The following LGR4 variants were observed in gnomAD, a reference collection of about 807,000 sequenced individuals.
The protein encoded by LGR4 is leucine-rich repeat-containing G protein-coupled receptor 4.
In LGR4, 44 loss-of-function variants were observed where a neutral mutation model predicts 84.8. That is an observed-to-expected ratio of 0.52 (90% CI 0.41 to 0.67). The LOEUF is 0.67. Among genes scored for constraint, LGR4 ranks in the 30% least tolerant of loss-of-function variants. LGR4 has a pLI of 0.00. For synonymous variants in LGR4, 429 were observed against 434.3 expected (o/e 0.99, Z 0.15); for missense variants, 1,032 against 1,131.4 (o/e 0.91, Z 1.26).
chr11:27,371,046 C>T (rs1862874266), intron 17 of LGR4, among the ~76,000 whole-genome samples: 1 of 152,098 alleles, frequency 6.6e-6, no homozygotes, highest in South Asian at 2.1e-4. Context: ...AAATTAATGT[C>T]CAGATTATCC....
intron 1 of LGR4, among the ~76,000 whole-genome samples, chr11:27,444,421 A>G (rs1864353547): frequency 6.6e-6 from 1 of 152,228 alleles, no homozygotes. Flanking sequence ...AGCACCTACA[A>G]ACTGAAAGAA....
chr11:27,385,241 A>C lies in LGR4; in HGVS notation c.617+12T>G. 5 of 1,512,062 alleles carry C rather than the reference A, an allele frequency of 3.3e-6. No homozygotes were observed. The highest frequency in any genetic ancestry group is 4.5e-6 in the Non-Finnish European group (5 of 1,116,768). 93.7% of individuals were successfully genotyped at this position (1,512,062 alleles called of 1,614,324 possible). A position where few individuals can be genotyped will look rare whatever the true frequency, so the allele number is the denominator to read the frequency against. On this transcript the variant is annotated intron_variant, in intron 5 of 17. Transcript: ENST00000379214. ...ACACAAATATATGGAATTAAAAGGGATAGATACTTACAGAACTACCAGGCT... is the reference window on the plus strand; with the variant it reads ...ACACAAATATATGGAATTAAAAGGGCTAGATACTTACAGAACTACCAGGCT...
At chr11:27,470,295 G>A (rs1339246540) in intron 1 of LGR4, among the ~76,000 whole-genome samples, 3 of 152,128 alleles carry the variant, frequency 2.0e-5, no homozygotes, top group Non-Finnish European at 2.9e-5. Context: ...AGATGCTTTG[G>A]AGAGAGGAGT....
Position 27,377,163 on chromosome 11 carries a change from T to C in LGR4, c.1104A>G (p.Glu368=), listed in dbSNP as rs1862999291. 6.3e-7 allele frequency: 1 copy of C among 1,580,788 alleles called. No individual in the cohort carries two copies. Among genetic ancestry groups the C allele is most frequent in the Non-Finnish European group, 8.7e-7 (1 of 1,154,212 alleles). The change falls in exon 12 of 18, where the codon GAA becomes GAG. Residue 368 remains glutamate (E), a synonymous_variant. Transcript: ENST00000379214. ...LPSFNGCHAL[E]EISLQRNQIY... ...TAAGTCAAAGACCAACTCACATTTC[T>C]TCCAGAGCATGGCAACCATTAAAAC... is the stretch of plus-strand genomic sequence containing the variant.
chr11:27,437,848 T>TA (rs1328582140), intron 1 of LGR4, among the ~76,000 whole-genome samples: 2 of 151,796 alleles, frequency 1.3e-5, no homozygotes, highest in Admixed American at 6.6e-5. Flanking sequence ...CAAAAAAGAT[T>TA]AAAAAATACA....
chr11:27,392,142 AC>A (rs1285019230), intron 3 of LGR4, among the ~76,000 whole-genome samples: 1 of 152,208 alleles, frequency 6.6e-6, no homozygotes, highest in Non-Finnish European at 1.5e-5. Flanking sequence ...ATAAGTAGAA[AC>A]AAAACCCTAC....
chr11:27,454,309 G>A (rs1024863034), intron 1 of LGR4, among the ~76,000 whole-genome samples: 22 of 152,238 alleles, frequency 1.4e-4, no homozygotes, highest in African/African-American at 5.3e-4. Context: ...CTCCAACCAC[G>A]TCTTCAAGAC....
intron 4 of LGR4, among the ~76,000 whole-genome samples, 195 bp downstream of exon 4, chr11:27,390,899 T>A (rs1000603394): frequency 6.6e-6 from 1 of 152,184 alleles, no homozygotes; most frequent in Non-Finnish European, 1.5e-5. Flanking sequence ...TCTCAGCCTC[T>A]AAGACAAGAG....
intron 2 of LGR4, among the ~76,000 whole-genome samples, chr11:27,399,144 C>A (rs1364976084): frequency 6.6e-6 from 1 of 152,184 alleles, no homozygotes; most frequent in Non-Finnish European, 1.5e-5. Context: ...CTCCTGACCT[C>A]AGGTGATCCA....
In LGR4 at chr11:27,472,383, G is replaced by A. The variant is rs2133469351; in HGVS notation, c.-81C>T. 1 of 1,111,332 alleles carries A rather than the reference G, an allele frequency of 9.0e-7. No individual in the cohort carries two copies. The highest frequency in any genetic ancestry group is 1.1e-6 in the Non-Finnish European group (1 of 887,010). 68.8% of individuals were successfully genotyped at this position (1,111,332 alleles called of 1,614,324 possible). ...CTCCGATGTCCCCCGCCGCCCCCGG[G>A]CAGCCGGCCTGCGGGCTGGAGCGGG... On this transcript the variant is annotated 5_prime_UTR_variant, in exon 1 of 18. Transcript: ENST00000379214.
rs184801318 is a variant in LGR4 at position 27,366,287 on chromosome 11, T to C, written c.*1580A>G. On this transcript the variant is annotated 3_prime_UTR_variant, in exon 18 of 18. Transcript: ENST00000379214. ...ACTACATGATTTTGATATACAAAGATTCTGTTTTTATTACACTGACAATGT... is the reference window on the plus strand; with the variant it reads ...ACTACATGATTTTGATATACAAAGACTCTGTTTTTATTACACTGACAATGT... 1 of 152,690 alleles carries C rather than the reference T, an allele frequency of 6.5e-6. No individual in the cohort carries two copies. The highest frequency in any genetic ancestry group is 1.9e-4 in the East Asian group (1 of 5,190). 9.5% of individuals were successfully genotyped at this position (152,690 alleles called of 1,614,324 possible).
At chr11:27,375,067 T>G (rs1474310008) in intron 13 of LGR4, among the ~76,000 whole-genome samples, 1 of 151,492 alleles carries the variant, frequency 6.6e-6, no homozygotes, top group Non-Finnish European at 1.5e-5. Flanking sequence ...GTGGATCACT[T>G]GAGCTCAGGT....
chr11:27,385,225 T>C (rs377692205), intron 5 of LGR4, 28 bp downstream of exon 5: 3 of 1,416,420 alleles, frequency 2.1e-6, no homozygotes, highest in Non-Finnish European at 2.9e-6. Context: ...AACACAAATA[T>C]ATGGAATTAA....
chr11:27,404,481 C>G (rs1470940085), intron 2 of LGR4, among the ~76,000 whole-genome samples: 1 of 152,168 alleles, frequency 6.6e-6, no homozygotes, highest in Non-Finnish European at 1.5e-5. Flanking sequence ...CCCAATTAAA[C>G]AAATGTTTCC....
intron 2 of LGR4, among the ~76,000 whole-genome samples, chr11:27,396,856 G>C (rs1184423439): frequency 2.0e-5 from 3 of 152,116 alleles, no homozygotes; most frequent in African/African-American, 7.2e-5. Flanking sequence ...GAGTGAAAGT[G>C]GTATGGTTTT....
intron 1 of LGR4, 21 bp downstream of exon 1, chr11:27,472,082 CTCCCCCCCCCTCGCG>C: frequency 2.6e-6 from 3 of 1,159,210 alleles, no homozygotes; most frequent in Non-Finnish European, 3.2e-6. Context: ...GCCCCGTTTC[CTCCCCCCCCCTCGCG>C]TCCCCGCCGC....
At chr11:27,455,022 C>T (rs1481175195) in intron 1 of LGR4, among the ~76,000 whole-genome samples, 1 of 152,138 alleles carries the variant, frequency 6.6e-6, no homozygotes, top group African/African-American at 2.4e-5. Flanking sequence ...TAATGCTCTT[C>T]CACTTGCCTT....
intron 2 of LGR4, among the ~76,000 whole-genome samples, chr11:27,402,046 C>G (rs1388268806): frequency 2.0e-5 from 3 of 152,158 alleles, no homozygotes; most frequent in Non-Finnish European, 4.4e-5. Flanking sequence ...TAGAGAGGTA[C>G]TCTGGCAGAC....
At chr11:27,386,024 G>A (rs1863181067) in intron 4 of LGR4, among the ~76,000 whole-genome samples, 1 of 152,112 alleles carries the variant, frequency 6.6e-6, no homozygotes, top group Non-Finnish European at 1.5e-5. Flanking sequence ...AAAAATATAA[G>A]TGTCATGTAC....
Sources: allele counts gnomAD v4.1 joint callset (sites outside exome capture counted in the v4.1 genomes callset), GRCh38; gene constraint gnomAD v4.1.1; transcripts MANE v1.5; gene names NCBI Gene and HGNC (gene_info 2026-07-23, HGNC 2026-07-21).